The following PCSK5 variants were observed in gnomAD, a reference collection of about 807,000 sequenced individuals.
PCSK5 encodes the protein proprotein convertase subtilisin/kexin type 5, also known as prohormone convertase 5.
PCSK5 carries 129 observed loss-of-function variants against 233.2 expected under a neutral mutation model. The ratio of observed to expected loss-of-function variants is 0.55; its 90% CI spans 0.48 to 0.64. The LOEUF (loss-of-function observed/expected upper bound fraction) is 0.64. Ranked by LOEUF, PCSK5 falls within the 30% of genes least tolerant of loss-of-function variation. The pLI, the probability that PCSK5 is intolerant of heterozygous loss-of-function variation, is 0.00. For synonymous variants in PCSK5, 825 were observed against 879.2 expected (o/e 0.94, Z 1.09); for missense variants, 2,076 against 2,430.1 (o/e 0.85, Z 3.06).
At chr9:75,898,736 A>T (rs112810705) in intron 1 of PCSK5, among the ~76,000 whole-genome samples, 1 of 151,956 alleles carries the variant, frequency 6.6e-6, no homozygotes, top group Non-Finnish European at 1.5e-5. Context: ...TTTCAACCTT[A>T]TTATTTTGGA....
At chr9:76,277,561 C>G (rs1227229211) in intron 24 of PCSK5, among the ~76,000 whole-genome samples, 1 of 152,236 alleles carries the variant, frequency 6.6e-6, no homozygotes, top group Non-Finnish European at 1.5e-5. Context: ...CACCCTGTCC[C>G]TCCAGGGAGT....
At chr9:76,333,585 G>A (rs907270143) in intron 34 of PCSK5, among the ~76,000 whole-genome samples, 1 of 152,152 alleles carries the variant, frequency 6.6e-6, no homozygotes, top group Admixed American at 6.5e-5. Flanking sequence ...TTATCAGAAG[G>A]TCTGATTGCC....
intron 2 of PCSK5, among the ~76,000 whole-genome samples, chr9:75,961,689 G>A (rs1244747538): frequency 1.3e-5 from 2 of 152,198 alleles, no homozygotes; most frequent in African/African-American, 4.8e-5. Flanking sequence ...CATCCAAACT[G>A]AGATGTGCTG....
chr9:75,899,987 C>T (rs756008953), intron 1 of PCSK5, among the ~76,000 whole-genome samples: 4 of 152,120 alleles, frequency 2.6e-5, no homozygotes, highest in Non-Finnish European at 4.4e-5. Context: ...AAGGAGGCTT[C>T]CAGTGCTCTT....
At chr9:76,142,754 T>C (rs1242862837) in intron 10 of PCSK5, among the ~76,000 whole-genome samples, 4 of 152,196 alleles carry the variant, frequency 2.6e-5, no homozygotes, top group Non-Finnish European at 4.4e-5. Flanking sequence ...ATTTTAGAAA[T>C]GAAATTTGGT....
intron 7 of PCSK5, among the ~76,000 whole-genome samples, chr9:76,077,647 G>A (rs1426211609): frequency 1.3e-5 from 2 of 152,074 alleles, no homozygotes; most frequent in African/African-American, 2.4e-5. Flanking sequence ...ATAAGTGAGA[G>A]CATGCAGTAT....
At chr9:76,267,509 G>T (rs752098731) in intron 24 of PCSK5, among the ~76,000 whole-genome samples, 2 of 152,134 alleles carry the variant, frequency 1.3e-5, no homozygotes, top group Non-Finnish European at 1.5e-5. Flanking sequence ...GTCACATGAG[G>T]TTCATTAGGA....
intron 2 of PCSK5, among the ~76,000 whole-genome samples, chr9:75,976,874 G>A (rs947707454): frequency 2.0e-5 from 3 of 152,126 alleles, no homozygotes; most frequent in Middle Eastern, 3.4e-3. Flanking sequence ...CCACTTAGCT[G>A]TAAGAGTTGG....
At chr9:75,908,484 C>T (rs142353237) in intron 1 of PCSK5, among the ~76,000 whole-genome samples, 1 of 152,168 alleles carries the variant, frequency 6.6e-6, no homozygotes, top group Non-Finnish European at 1.5e-5. Context: ...CACTGCCTCC[C>T]CCTTTCCTCT....
chr9:76,107,001 A>G (rs2131679152), intron 8 of PCSK5, among the ~76,000 whole-genome samples: 1 of 152,338 alleles, frequency 6.6e-6, no homozygotes, highest in South Asian at 2.1e-4. Flanking sequence ...GTTTTCATCC[A>G]TAAGCTCACC....
chr9:75,972,779 GTCTC>G, intron 2 of PCSK5, among the ~76,000 whole-genome samples: 1 of 152,316 alleles, frequency 6.6e-6, no homozygotes, highest in Middle Eastern at 3.4e-3. Context: ...CTTTTGGGCT[GTCTC>G]TCTCCTATTT....
At chr9:76,002,360 T>A (rs1272630121) in intron 3 of PCSK5, among the ~76,000 whole-genome samples, 6 of 152,208 alleles carry the variant, frequency 3.9e-5, no homozygotes, top group Non-Finnish European at 7.3e-5. Context: ...ATATGTCATA[T>A]ATCAAAATTA....
At chr9:75,908,929 A>ATCTATCTATCTATCTC (rs1445286663) in intron 1 of PCSK5, among the ~76,000 whole-genome samples, 19 of 101,968 alleles carry the variant, frequency 1.9e-4, no homozygotes, top group African/African-American at 2.5e-4. Context: ...CTATCTCTCT[A>ATCTATCTATCTATCTC]TCTCTCTCTC....
chr9:76,356,070 C>A (rs1033067963), intron 37 of PCSK5, among the ~76,000 whole-genome samples: 1 of 152,162 alleles, frequency 6.6e-6, no homozygotes, highest in Non-Finnish European at 1.5e-5. Flanking sequence ...TTTCAGCTTT[C>A]CCACCCCCAC....
intron 34 of PCSK5, among the ~76,000 whole-genome samples, chr9:76,333,884 G>A (rs938753879): frequency 1.3e-5 from 2 of 152,238 alleles, no homozygotes; most frequent in African/African-American, 2.4e-5. Context: ...TTCATGATGA[G>A]TACTTTGTAT....
intron 5 of PCSK5, among the ~76,000 whole-genome samples, chr9:76,047,507 A>C (rs1200291573): frequency 6.6e-6 from 1 of 152,170 alleles, no homozygotes; most frequent in Non-Finnish European, 1.5e-5. Flanking sequence ...AGAGTCATTT[A>C]GGATATGGAA....
chr9:76,361,699 AC>A lies in PCSK5; in HGVS notation c.*2778del, dbSNP rs1160819893. 1 of 152,176 alleles carries A rather than the reference AC, an allele frequency of 6.6e-6. No individual in the cohort carries two copies. Among genetic ancestry groups the A allele is most frequent in the African/African-American group, 2.4e-5 (1 of 41,430 alleles). 9.4% of individuals were successfully genotyped at this position (152,176 alleles called of 1,614,324 possible). A position where few individuals can be genotyped will look rare whatever the true frequency, so the allele number is the denominator to read the frequency against. On this transcript the variant is annotated 3_prime_UTR_variant, in exon 38 of 38. Transcript: ENST00000674117. ...CCTGAATGACAGAGCTAAGACCCTG[AC>A]TCAAAATAAATAAATAACATTATCT... is the stretch of plus-strand genomic sequence containing the variant.
chr9:76,319,627 G>T (rs1203156146), intron 30 of PCSK5, among the ~76,000 whole-genome samples: 1 of 152,038 alleles, frequency 6.6e-6, no homozygotes. Flanking sequence ...TTAGCAGACC[G>T]CGAAAGGGAG....
intron 14 of PCSK5, among the ~76,000 whole-genome samples, chr9:76,177,018 G>A (rs1332414218): frequency 6.6e-6 from 1 of 152,146 alleles, no homozygotes. Context: ...GGCCAGGTGC[G>A]GTGGCCCACG....
Sources: gnomAD v4.1 joint callset for allele counts (sites outside exome capture counted in the v4.1 genomes callset) on GRCh38, gnomAD v4.1.1 for gene constraint, MANE v1.5 for transcripts, NCBI Gene and HGNC (gene_info 2026-07-23, HGNC 2026-07-21) for gene names.